The following GPI variants were observed in gnomAD, a reference collection of about 807,000 sequenced individuals.
GPI encodes glucose-6-phosphate isomerase.
GPI carries 56 observed loss-of-function variants against 75.8 expected under a neutral mutation model. The observed-to-expected ratio is 0.74, with a 90% CI of 0.60 to 0.92. The LOEUF is 0.92. Among genes scored for constraint, GPI ranks in the 40% least tolerant of loss-of-function variants. The probability of loss-of-function intolerance (pLI) is 0.00; values close to 1 mark genes in which losing one functional copy is unlikely to be tolerated. For synonymous variants in GPI, 288 were observed against 285.4 expected, an observed-to-expected ratio of 1.01 and a Z score of -0.09; for missense variants, 638 against 741.0, an observed-to-expected ratio of 0.86 and a Z score of 1.61.
chr19:34,364,693 TA>T, upstream of GPI: 3 of 379,896 alleles, frequency 7.9e-6, no homozygotes, highest in Non-Finnish European at 1.4e-5. Context: ...ACTTTTTTCT[TA>T]ATTGCAACCC....
At chr19:34,398,855 C>T (rs2074981136) in intron 14 of GPI, 1 of 217,394 alleles carries the variant, frequency 4.6e-6, no homozygotes, top group African/African-American at 2.3e-5. Flanking sequence ...GCATGCGCCA[C>T]CATGCCCAGC....
chr19:34,364,832 G>A, upstream of GPI: 1 of 656,586 alleles, frequency 1.5e-6, no homozygotes, highest in East Asian at 3.3e-5. Flanking sequence ...TGCCTGTAAC[G>A]TGGAAGGTGT....
intron 4 of GPI, among the ~76,000 whole-genome samples, chr19:34,376,201 A>G (rs984064403): frequency 6.6e-6 from 1 of 152,116 alleles, no homozygotes; most frequent in Non-Finnish European, 1.5e-5. Flanking sequence ...AGATGGGAGG[A>G]TTATTTGAGG....
chr19:34,390,020 C>T (rs1251703866), intron 9 of GPI, among the ~76,000 whole-genome samples: 9 of 152,092 alleles, frequency 5.9e-5, no homozygotes, highest in East Asian at 3.8e-4. Context: ...GGTGATAGGC[C>T]GAGAAGATCG....
chr19:34,390,343 C>T (rs747254975), intron 9 of GPI, among the ~76,000 whole-genome samples: 20 of 151,990 alleles, frequency 1.3e-4, no homozygotes, highest in Non-Finnish European at 2.8e-4. Context: ...CAGAGAGCTG[C>T]TGGGTCTTTC....
intron 4 of GPI, among the ~76,000 whole-genome samples, chr19:34,369,968 G>T (rs1019263365): frequency 1.3e-5 from 2 of 152,196 alleles, no homozygotes; most frequent in Non-Finnish European, 2.9e-5. Flanking sequence ...AAGTCTTCCA[G>T]AAAGTTCCTG....
chr19:34,381,249 G>A, intron 8 of GPI: 4 of 620,172 alleles, frequency 6.4e-6, no homozygotes, highest in Non-Finnish European at 1.2e-5. Context: ...CGTCACTGGC[G>A]TGCTGGTCAT....
At chr19:34,382,251 A>G (rs185138119) in intron 9 of GPI, among the ~76,000 whole-genome samples, 16 of 152,192 alleles carry the variant, frequency 1.1e-4, no homozygotes, top group African/African-American at 3.6e-4. Flanking sequence ...TGGCAGGCGC[A>G]GCAGAGAGGG....
chr19:34,368,842 G>A, intron 4 of GPI, 140 bp downstream of exon 4: 1 of 928,248 alleles, frequency 1.1e-6, no homozygotes, highest in Non-Finnish European at 1.7e-6. Context: ...GGGGTTGCCT[G>A]TGTGATCGCT....
chr19:34,377,936 G>A, intron 6 of GPI, 55 bp downstream of exon 6: 1 of 1,582,656 alleles, frequency 6.3e-7, no homozygotes. Context: ...GGGGTGGGGA[G>A]GGACAGCTGT....
chr19:34,388,845 C>A (rs1309168959), intron 9 of GPI, among the ~76,000 whole-genome samples: 1 of 152,092 alleles, frequency 6.6e-6, no homozygotes, highest in Non-Finnish European at 1.5e-5. Flanking sequence ...TGGCTGTAAT[C>A]CCTGAGCTTC....
chr19:34,389,136 T>C (rs1440619172), intron 9 of GPI, among the ~76,000 whole-genome samples: 2 of 151,920 alleles, frequency 1.3e-5, no homozygotes, highest in Non-Finnish European at 2.9e-5. Context: ...TTAGATGAGA[T>C]GTGAGAGCCT....
chr19:34,400,285 C>A lies in GPI; in HGVS notation c.*249C>A. 1 of 603,266 alleles carries A rather than the reference C, an allele frequency of 1.7e-6. No homozygotes were observed. The highest frequency in any genetic ancestry group is 3.0e-6 in the Non-Finnish European group (1 of 338,204). The allele number at this position is 603,266 out of a possible 1,614,324, so 37.4% of individuals were successfully genotyped here. On this transcript the variant is annotated 3_prime_UTR_variant, in exon 18 of 18. Coordinates refer to ENST00000356487, the MANE Select transcript of GPI (RefSeq NM_000175.5). ...AGCTGACTTTTCTGACCCATGTTCA[C>A]GTTGTTCACATCCCATGTAGAAAAA...
At chr19:34,364,412 C>T (rs955977247), upstream of GPI, among the ~76,000 whole-genome samples, 1 of 146,124 alleles carries the variant, frequency 6.8e-6, no homozygotes, top group Admixed American at 6.8e-5. Context: ...GATGGAGTCT[C>T]ACTCTGCCAC....
intron 8 of GPI, chr19:34,379,970 T>C: frequency 4.4e-6 from 1 of 227,458 alleles, no homozygotes; most frequent in Non-Finnish European, 8.5e-6. Context: ...TTTTGCCCCC[T>C]ACTTAGTGTG....
At chr19:34,368,907 T>C (rs1207142998) in intron 4 of GPI, 2 of 648,258 alleles carry the variant, frequency 3.1e-6, no homozygotes, top group Non-Finnish European at 5.5e-6. Context: ...TCTGAAGGAA[T>C]CTGCTGCTGG....
intron 6 of GPI, 44 bp from the exon 7 acceptor site, chr19:34,378,890 C>T (rs748673190): frequency 6.7e-7 from 1 of 1,487,910 alleles, no homozygotes; most frequent in South Asian, 1.1e-5. Context: ...GGCCTGCACC[C>T]ACCCCTAAGC....
At chr19:34,372,287 T>C (rs912185371) in intron 4 of GPI, among the ~76,000 whole-genome samples, 5 of 152,170 alleles carry the variant, frequency 3.3e-5, no homozygotes, top group Admixed American at 2.0e-4. Flanking sequence ...GGTTGAGAAG[T>C]TGAACAACTT....
chr19:34,362,677 C>A (rs1386676573), upstream of GPI, among the ~76,000 whole-genome samples: 1 of 152,172 alleles, frequency 6.6e-6, no homozygotes, highest in Non-Finnish European at 1.5e-5. Context: ...TAGAGGTGGC[C>A]TGGCCCCAGG....
Sources: allele counts gnomAD v4.1 joint callset (sites outside exome capture counted in the v4.1 genomes callset), GRCh38; gene constraint gnomAD v4.1.1; transcripts MANE v1.5; gene names NCBI Gene and HGNC (gene_info 2026-07-23, HGNC 2026-07-21).